The following HERC4 variants were observed in gnomAD, a reference collection of about 807,000 sequenced individuals.
The protein encoded by HERC4 is HECT and RLD domain containing E3 ubiquitin protein ligase 4.
Under a neutral mutation model 124.3 loss-of-function variants are expected in HERC4, and 28 were observed. The ratio of observed to expected loss-of-function variants is 0.23; its 90% CI spans 0.17 to 0.31. The LOEUF is 0.31. Ranked by LOEUF, HERC4 falls within the 10% of genes least tolerant of loss-of-function variation. The pLI is 1.00. For missense variants in HERC4, 713 were observed against 1,229.3 expected (o/e 0.58, Z 6.28); for synonymous variants, 407 against 421.5 (o/e 0.97, Z 0.42).
In HERC4 at chr10:68,023,827, G is replaced by C. The variant is rs141190346; in HGVS notation, c.908+1719C>G. Among the ~76,000 whole-genome samples, 33 of 152,190 alleles carry C rather than the reference G, an allele frequency of 2.2e-4. No homozygotes were observed. In the East Asian group the frequency reaches 6.0e-3, roughly 28 times the overall value. The stretch of plus-strand genomic sequence containing the variant: ...TCCTCCACAAAATAAATCAACTTCA[G>C]ATAACTTACAGACCTCCATGTAAAA... On this transcript the variant is annotated intron_variant, in intron 8 of 24. Transcript: ENST00000373700.
chr10:67,935,870 C>T (rs1042362696), intron 22 of HERC4, among the ~76,000 whole-genome samples: 1 of 152,168 alleles, frequency 6.6e-6, no homozygotes, highest in African/African-American at 2.4e-5. Context: ...GGCTTCGTGA[C>T]TCCTCTTTTC....
chr10:67,947,147 T>C (rs1474233593), intron 19 of HERC4, among the ~76,000 whole-genome samples: 3 of 152,178 alleles, frequency 2.0e-5, no homozygotes, highest in Non-Finnish European at 2.9e-5. Context: ...TTATAGGACA[T>C]TTCATCCAGC....
At chr10:68,039,461 G>C in intron 4 of HERC4, 1 of 1,550,918 alleles carries the variant, frequency 6.4e-7, no homozygotes, top group Non-Finnish European at 8.7e-7. Context: ...TGACCAGAGA[G>C]TCGACACACA....
intron 9 of HERC4, chr10:67,993,374 T>G (rs1190539496): frequency 6.6e-6 from 1 of 151,332 alleles, no homozygotes; most frequent in East Asian, 1.9e-4. Flanking sequence ...AGAATTGAAC[T>G]GGGCTACAGT....
chr10:67,995,937 G>T, intron 9 of HERC4: 1 of 249,112 alleles, frequency 4.0e-6, no homozygotes, highest in Non-Finnish European at 8.1e-6. Context: ...TTGTTTCAAT[G>T]TGTATGAACA....
At position 67,954,961 on chromosome 10, in the gene HERC4, A is replaced by G. The variant is rs2034048255; in HGVS notation, c.2193+2T>C. Reference sequence around the variant, plus strand: ...ATTATACCACAGAAAATGTCAAATTACCTTGAGTGGCTTCTTGTAATCTAT... The same window carrying G: ...ATTATACCACAGAAAATGTCAAATTGCCTTGAGTGGCTTCTTGTAATCTAT... On this transcript the variant is annotated splice_donor_variant, in intron 18 of 24. Transcript: ENST00000373700. LOFTEE classifies it high-confidence loss of function. 6.3e-7 allele frequency: 1 copy of G among 1,591,808 alleles called. No homozygotes were observed. The highest frequency in any genetic ancestry group is 1.1e-5 in the South Asian group (1 of 87,300).
intron 20 of HERC4, among the ~76,000 whole-genome samples, 168 bp downstream of exon 20, chr10:67,940,771 G>T (rs2032815833): frequency 6.6e-6 from 1 of 152,094 alleles, no homozygotes; most frequent in South Asian, 2.1e-4. Flanking sequence ...AGAAAATTTT[G>T]ATCTGAGAAA....
chr10:67,922,873 A>G lies in HERC4; in HGVS notation c.*58T>C, dbSNP rs1296090458. The G allele has an allele frequency of 8.2e-7, 1 of 1,224,290 alleles. No homozygotes were observed. The highest frequency in any genetic ancestry group is 2.3e-5 in the East Asian group (1 of 42,804). 75.8% of individuals were successfully genotyped at this position (1,224,290 alleles called of 1,614,324 possible). ...TCACCTTGCTGAATTCATCACCACA[A>G]GAAAAACACAAATAGTTTAATGCTT... is the stretch of plus-strand genomic sequence containing the variant. On this transcript the variant is annotated 3_prime_UTR_variant, in exon 25 of 25. Transcript: ENST00000373700.
chr10:68,013,268 C>T (rs758852226), intron 9 of HERC4, among the ~76,000 whole-genome samples: 16 of 152,120 alleles, frequency 1.1e-4, no homozygotes, highest in Non-Finnish European at 1.8e-4. Flanking sequence ...CTTTTATATG[C>T]ACTAGGATAC....
chr10:67,959,018 C>G, intron 16 of HERC4: 1 of 934,484 alleles, frequency 1.1e-6, no homozygotes, highest in Non-Finnish European at 1.6e-6. Context: ...CATTTTTTAA[C>G]CACACCAAAA....
chr10:68,068,024 T>A (rs2041380878), intron 3 of HERC4: 1 of 152,208 alleles, frequency 6.6e-6, no homozygotes, highest in African/African-American at 2.4e-5. Flanking sequence ...CTTCATTGTA[T>A]AAGCTTAGTT....
At chr10:68,033,350 T>C (rs1231243042) in intron 6 of HERC4, among the ~76,000 whole-genome samples, 1 of 152,230 alleles carries the variant, frequency 6.6e-6, no homozygotes, top group Non-Finnish European at 1.5e-5. Flanking sequence ...TGCTTATCAT[T>C]ACTAGTTGTT....
chr10:67,985,254 C>G (rs1046179244), intron 15 of HERC4, among the ~76,000 whole-genome samples: 1 of 152,090 alleles, frequency 6.6e-6, no homozygotes, highest in Admixed American at 6.5e-5. Flanking sequence ...GTAAGCTCAA[C>G]AAGGGCAGAA....
At chr10:68,057,055 CT>C in intron 3 of HERC4, among the ~76,000 whole-genome samples, 1 of 152,126 alleles carries the variant, frequency 6.6e-6, no homozygotes, top group South Asian at 2.1e-4. Context: ...TTAAATGTTC[CT>C]TTTTTTGTTC....
chr10:68,042,938 C>G (rs371719117), intron 4 of HERC4, among the ~76,000 whole-genome samples: 7 of 152,168 alleles, frequency 4.6e-5, no homozygotes, highest in African/African-American at 1.7e-4. Flanking sequence ...GCAGAAATAC[C>G]TTAACATACA....
intron 3 of HERC4, among the ~76,000 whole-genome samples, chr10:68,051,042 G>A (rs2040269486): frequency 6.6e-6 from 1 of 150,856 alleles, no homozygotes; most frequent in Admixed American, 6.6e-5. Flanking sequence ...ATTAGAAAAC[G>A]GAGAGTTAAG....
At chr10:67,934,667 T>A (rs149291370) in intron 22 of HERC4, among the ~76,000 whole-genome samples, 444 of 152,290 alleles carry the variant, frequency 2.9e-3, no homozygotes, top group African/African-American at 9.9e-3. Context: ...ATTTGATAAT[T>A]TGGATACAGA....
intron 3 of HERC4, among the ~76,000 whole-genome samples, chr10:68,059,736 A>AATATTATATATTATAATATTATATATC (rs2040846240): frequency 1.5e-5 from 1 of 67,912 alleles, no homozygotes; most frequent in Non-Finnish European, 2.1e-5. Context: ...TATATATCAT[A>AATATTATATATTATAATATTATATATC]ATATTATATA....
At chr10:68,005,434 G>T (rs889813877) in intron 9 of HERC4, among the ~76,000 whole-genome samples, 1 of 152,014 alleles carries the variant, frequency 6.6e-6, no homozygotes, top group African/African-American at 2.4e-5. Context: ...GTCTTTATAG[G>T]TGAAGTGTGT....
Sources: allele counts gnomAD v4.1 joint callset (sites outside exome capture counted in the v4.1 genomes callset), GRCh38; gene constraint gnomAD v4.1.1; transcripts MANE v1.5; gene names NCBI Gene and HGNC (gene_info 2026-07-23, HGNC 2026-07-21).